TNKS: variants seen among roughly 807,000 people sequenced by gnomAD.
TNKS encodes poly [ADP-ribose] polymerase tankyrase-1.
TNKS carries 72 observed loss-of-function variants against 135.8 expected under a neutral mutation model. The ratio of observed to expected loss-of-function variants is 0.53; its 90% CI spans 0.44 to 0.64. The LOEUF (loss-of-function observed/expected upper bound fraction) is 0.64. Among genes scored for constraint, TNKS ranks in the 30% least tolerant of loss-of-function variants. TNKS has a pLI of 0.00. For missense variants in TNKS, 1,769 were observed against 1,674.0 expected (o/e 1.06, Z -0.99); for synonymous variants, 849 against 649.3 (o/e 1.31, Z -4.68).
chr8:9,772,891 G>C (rs1002313158), intron 26 of TNKS, among the ~76,000 whole-genome samples: 3 of 144,470 alleles, frequency 2.1e-5, no homozygotes, highest in Non-Finnish European at 4.5e-5. Flanking sequence ...GGTGTATCTA[G>C]TATACAGGGA....
chr8:9,652,237 C>T (rs953209752), intron 3 of TNKS, among the ~76,000 whole-genome samples: 2 of 152,128 alleles, frequency 1.3e-5, no homozygotes, highest in Non-Finnish European at 2.9e-5. Context: ...TGAGGTTCTT[C>T]TCTGTAATGA....
chr8:9,709,823 A>G (rs1804233164), intron 9 of TNKS, 132 bp from the exon 10 acceptor site: 1 of 679,780 alleles, frequency 1.5e-6, no homozygotes, highest in Admixed American at 2.9e-5. Context: ...TCTCTGTGAT[A>G]TAAAACATAT....
rs140477013 is a variant in TNKS, at chr8:9,605,570, G to C, written c.899-10012G>C. ...TAGCTATATAAGGAACTGCTAAACT[G>C]ATTTCCAAAATGGTTAAACCATTCA... On this transcript the variant is annotated intron_variant, in intron 2 of 26. Transcript: ENST00000310430. Among the ~76,000 whole-genome samples the C allele has an allele frequency of 5.9e-5, 9 of 152,178 alleles. No homozygotes were observed. The East Asian group carries it at 1.7e-3, about 29-fold the overall frequency.
At chr8:9,755,181 G>C (rs145651381) in intron 20 of TNKS, among the ~76,000 whole-genome samples, 2 of 151,650 alleles carry the variant, frequency 1.3e-5, no homozygotes, top group South Asian at 4.2e-4. Flanking sequence ...TCGTATATTC[G>C]CATTGTCAGT....
intron 7 of TNKS, 102 bp downstream of exon 7, chr8:9,706,355 C>A (rs1804045276): frequency 3.3e-6 from 3 of 920,836 alleles, no homozygotes; most frequent in African/African-American, 1.8e-5. Context: ...TTGTTTAGTT[C>A]TTTGGGGTTT....
intron 20 of TNKS, among the ~76,000 whole-genome samples, chr8:9,758,867 G>A (rs547174563): frequency 6.6e-6 from 1 of 152,322 alleles, no homozygotes; most frequent in South Asian, 2.1e-4. Flanking sequence ...GCACAGCTTA[G>A]TTGTGTCCTT....
At position 9,741,887 on chromosome 8, in the gene TNKS, A is replaced by G. The variant is rs867396036; in HGVS notation, c.2644-6137A>G. 1.6e-5 allele frequency: 4 copies of G among 246,858 alleles called. No individual in the cohort carries two copies. The Middle Eastern group carries it at 1.6e-3, about 100-fold the overall frequency. The allele number at this position is 246,858 out of a possible 1,614,324, so 15.3% of individuals were successfully genotyped here. ...TTCATTTTCATAAACTTTATTCACC[A>G]TCACCCATAACTCCCCTTCTCCTTT... On this transcript the variant is annotated intron_variant, in intron 17 of 26. Coordinates refer to ENST00000310430, the MANE Select transcript of TNKS (RefSeq NM_003747.3).
At chr8:9,629,564 G>T (rs1382288554) in intron 3 of TNKS, among the ~76,000 whole-genome samples, 1 of 152,162 alleles carries the variant, frequency 6.6e-6, no homozygotes, top group African/African-American at 2.4e-5. Context: ...ACTCAAGTTG[G>T]TTTCTCTCTT....
chr8:9,686,142 T>C (rs921188167), intron 5 of TNKS, among the ~76,000 whole-genome samples: 19 of 152,164 alleles, frequency 1.2e-4, no homozygotes, highest in African/African-American at 4.6e-4. Flanking sequence ...CTCTGTCCTA[T>C]TCAGGACACG....
chr8:9,742,870 A>G (rs1428409624), intron 17 of TNKS, among the ~76,000 whole-genome samples: 2 of 151,644 alleles, frequency 1.3e-5, no homozygotes, highest in Admixed American at 6.6e-5. Context: ...AAGGAGTACT[A>G]ATATTAACAC....
At chr8:9,699,708 G>A (rs948632293) in intron 5 of TNKS, among the ~76,000 whole-genome samples, 4 of 152,242 alleles carry the variant, frequency 2.6e-5, no homozygotes, top group South Asian at 2.1e-4. Flanking sequence ...TGCTGACAGC[G>A]TCATCATTTC....
intron 2 of TNKS, among the ~76,000 whole-genome samples, chr8:9,605,763 G>A (rs1421036792): frequency 6.6e-6 from 1 of 151,960 alleles, no homozygotes; most frequent in African/African-American, 2.4e-5. Context: ...AAATGCCCTA[G>A]TCTCTTGCTC....
intron 18 of TNKS, among the ~76,000 whole-genome samples, chr8:9,749,849 A>T (rs568677518): frequency 6.6e-6 from 1 of 152,170 alleles, no homozygotes; most frequent in Non-Finnish European, 1.5e-5. Flanking sequence ...TCATATTTAC[A>T]GCCAAGTGGC....
intron 11 of TNKS, 170 bp downstream of exon 11, chr8:9,710,390 A>C: frequency 1.6e-6 from 1 of 642,666 alleles, no homozygotes; most frequent in Non-Finnish European, 2.7e-6. Context: ...TCTTGTTTCT[A>C]ATAAAAATAA....
intron 2 of TNKS, among the ~76,000 whole-genome samples, chr8:9,601,190 G>C (rs1297563313): frequency 2.0e-5 from 3 of 152,186 alleles, no homozygotes; most frequent in Non-Finnish European, 4.4e-5. Flanking sequence ...TTCACTTTCA[G>C]ATATAACACT....
intron 3 of TNKS, among the ~76,000 whole-genome samples, chr8:9,634,070 C>G (rs942215573): frequency 3.1e-5 from 4 of 130,416 alleles, no homozygotes; most frequent in Admixed American, 8.5e-5. Flanking sequence ...AAAAAAAACT[C>G]ATTTAACTGC....
At chr8:9,755,515 T>C in intron 20 of TNKS, among the ~76,000 whole-genome samples, 1 of 152,374 alleles carries the variant, frequency 6.6e-6, no homozygotes, top group South Asian at 2.1e-4. Context: ...AATTTATTTT[T>C]ATTTTAATTG....
intron 2 of TNKS, among the ~76,000 whole-genome samples, chr8:9,598,299 G>A (rs1430579182): frequency 6.6e-6 from 1 of 151,832 alleles, no homozygotes; most frequent in Non-Finnish European, 1.5e-5. Context: ...CGCCTGCCTC[G>A]GCGTCCCAAA....
chr8:9,707,068 C>A, intron 8 of TNKS, 71 bp downstream of exon 8: 7 of 1,298,200 alleles, frequency 5.4e-6, no homozygotes, highest in South Asian at 1.6e-5. Flanking sequence ...TTTTATCTAC[C>A]TTAAATAATA....
Sources: allele counts gnomAD v4.1 joint callset (sites outside exome capture counted in the v4.1 genomes callset), GRCh38; gene constraint gnomAD v4.1.1; transcripts MANE v1.5; gene names NCBI Gene and HGNC (gene_info 2026-07-23, HGNC 2026-07-21).